The following PLCG1 variants were observed in gnomAD, a reference collection of about 807,000 sequenced individuals.
PLCG1 encodes the protein 1-phosphatidylinositol 4,5-bisphosphate phosphodiesterase gamma-1.
A neutral mutation model predicts 177.8 loss-of-function variants in PLCG1; 71 were observed. The observed-to-expected ratio is 0.40, with a 90% CI of 0.33 to 0.49. The LOEUF is 0.49. PLCG1 is among the 20% of genes least tolerant of loss of function. PLCG1 has a pLI of 0.72. For synonymous variants in PLCG1, 658 were observed against 647.9 expected, an observed-to-expected ratio of 1.02 and a Z score of -0.24; for missense variants, 1,281 against 1,709.0, an observed-to-expected ratio of 0.75 and a Z score of 4.42.
In PLCG1 at chr20:41,176,525, G is replaced by GTGT. The variant is rs1403274589; in HGVS notation, c.*2019_*2021dup. ...TAGGACGTCCTTGGCGTGTTTGTTA[G>GTGT]TGTTGACCCTTTTAGTTTTCATCAA... is the stretch of plus-strand genomic sequence containing the variant. On this transcript the variant is annotated 3_prime_UTR_variant, in exon 32 of 32. Transcript: ENST00000685551. The GTGT allele has an allele frequency of 2.0e-5, 3 of 152,192 alleles. No homozygotes were observed. Among genetic ancestry groups the GTGT allele is most frequent in the African/African-American group, 7.2e-5 (3 of 41,450 alleles). 9.4% of individuals were successfully genotyped at this position (152,192 alleles called of 1,614,324 possible).
chr20:41,162,235 G>GTTTTTTTTTTTT lies in PLCG1; in HGVS notation c.513-208_513-197dup, dbSNP rs11426520. 338 of 143,620 alleles carry GTTTTTTTTTTTT rather than the reference G, an allele frequency of 2.4e-3. 3 individuals are homozygous for GTTTTTTTTTTTT. The highest frequency in any genetic ancestry group is 4.3e-3 in the African/African-American group (105 of 24,442). 8.9% of individuals were successfully genotyped at this position (143,620 alleles called of 1,614,324 possible). On this transcript the variant is annotated intron_variant, in intron 4 of 31. Coordinates refer to ENST00000685551, the MANE Select transcript of PLCG1 (RefSeq NM_002660.3). ...GGTTTTTTTTGTTTGTTTTGTTTTT[G>GTTTTTTTTTTTT]TTTTTTTTTTTTTTTTTTTTGCTCA... is the stretch of plus-strand genomic sequence containing the variant.
rs1284790394 is a variant in PLCG1 at position 41,166,817 on chromosome 20, C to T, written c.2259C>T (p.Arg753=). ...CGCTATACCGCAAGATGAAGCTGCG[C>T]TATCCCATCAACGAGGAGGCACTGG... is the stretch of plus-strand genomic sequence containing the variant. ...KHPLYRKMKL[R]YPINEEALEK... Residue 753 remains arginine (R), a synonymous_variant, in exon 19 of 32, where the codon CGC becomes CGT. Transcript: ENST00000685551. This position sits in a 1 kb window ranked among gnomAD's most constrained non-coding sequence, Gnocchi z 8.6. 2 of 1,614,044 alleles carry T rather than the reference C, an allele frequency of 1.2e-6. No homozygotes were observed. The highest frequency in any genetic ancestry group is 1.3e-5 in the African/African-American group (1 of 74,930).
chr20:41,142,361 T>C (rs1433876868), intron 1 of PLCG1, among the ~76,000 whole-genome samples: 3 of 152,216 alleles, frequency 2.0e-5, no homozygotes, highest in Non-Finnish European at 4.4e-5. Context: ...TCCAGCAGAT[T>C]ACACTCAGTC....
At chr20:41,142,488 A>G (rs1292789343) in intron 1 of PLCG1, among the ~76,000 whole-genome samples, 1 of 152,170 alleles carries the variant, frequency 6.6e-6, no homozygotes, top group Non-Finnish European at 1.5e-5. Context: ...GTGAGCTCCT[A>G]CGGTTTGCAC....
intron 6 of PLCG1, 38 bp from the exon 7 acceptor site, chr20:41,162,920 C>A: frequency 6.2e-7 from 1 of 1,604,874 alleles, no homozygotes; most frequent in South Asian, 1.1e-5. Context: ...ACATGGCCTC[C>A]CAGGGGTCTT....
In PLCG1 at chr20:41,159,838, C is replaced by G. The variant is rs1222711184; in HGVS notation, c.371-32C>G. On this transcript the variant is annotated intron_variant, in intron 2 of 31. Coordinates refer to ENST00000685551, the MANE Select transcript of PLCG1 (RefSeq NM_002660.3). This position sits in a 1 kb window ranked among gnomAD's most constrained non-coding sequence, Gnocchi z 6.0. The stretch of plus-strand genomic sequence containing the variant: ...CTCCTGCCCAGTGGGAGGTATGTGC[C>G]CTCGGGGCAGCTATTGATACCTTGC... The G allele has an allele frequency of 1.2e-6, 2 of 1,612,848 alleles. No individual in the cohort carries two copies. Among genetic ancestry groups the G allele is most frequent in the Non-Finnish European group, 1.7e-6 (2 of 1,178,896 alleles).
chr20:41,174,459 C>T lies in PLCG1; in HGVS notation c.3834-8C>T, dbSNP rs1369317614. On this transcript the variant is annotated splice_region_variant and splice_polypyrimidine_tract_variant and intron_variant, in intron 31 of 31. Coordinates refer to ENST00000685551, the MANE Select transcript of PLCG1 (RefSeq NM_002660.3). This position sits in a 1 kb window ranked among gnomAD's most constrained non-coding sequence, Gnocchi z 5.8. ...CTGCCAGTAAGGACACTCTTCCCTT[C>T]TGTCCAGGGCCCCAAGAAGGACTCG... 1.3e-6 allele frequency: 2 copies of T among 1,590,420 alleles called. No homozygotes were observed. The highest frequency in any genetic ancestry group is 1.3e-5 in the African/African-American group (1 of 74,506).
At chr20:41,141,424 G>C (rs923498067) in intron 1 of PLCG1, among the ~76,000 whole-genome samples, 1 of 152,252 alleles carries the variant, frequency 6.6e-6, no homozygotes, top group African/African-American at 2.4e-5. Context: ...TGATGAGGCA[G>C]GCGGGCTCAG....
rs1488238017 is a variant in PLCG1 at position 41,157,840 on chromosome 20, C to A, written c.218-1766C>A. Among the ~76,000 whole-genome samples the A allele has an allele frequency of 6.6e-6, 1 of 152,166 alleles. No individual in the cohort carries two copies. Among genetic ancestry groups the A allele is most frequent in the Non-Finnish European group, 1.5e-5 (1 of 68,036 alleles). The stretch of plus-strand genomic sequence containing the variant: ...GGAGGTAAATTCCTGAGCCCTGTCA[C>A]AAAGAGCCTTCAAGGCCATAGAAGG... On this transcript the variant is annotated intron_variant, in intron 1 of 31. Coordinates refer to ENST00000685551, the MANE Select transcript of PLCG1 (RefSeq NM_002660.3). This position sits in a 1 kb window ranked among gnomAD's most constrained non-coding sequence, Gnocchi z 5.4.
rs745356702 is a variant in PLCG1 at position 41,162,624 on chromosome 20, CTGCTCTA to C, written c.598-16_598-10del. On this transcript the variant is annotated splice_polypyrimidine_tract_variant and intron_variant, in intron 5 of 31. Coordinates refer to ENST00000685551, the MANE Select transcript of PLCG1 (RefSeq NM_002660.3). ...GGGCCTGACTGCCTGACTGGCACTCCTGCTCTATACCATGCAGGACCTGGAGCAGCGC... is the reference window on the plus strand; with the variant it reads ...GGGCCTGACTGCCTGACTGGCACTCCTACCATGCAGGACCTGGAGCAGCGC... 3 of 1,612,674 alleles carry C rather than the reference CTGCTCTA, an allele frequency of 1.9e-6. No homozygotes were observed. The African/African-American group carries it at 4.0e-5, about 22-fold the overall frequency.
At chr20:41,155,061 G>C (rs1281658775) in intron 1 of PLCG1, among the ~76,000 whole-genome samples, 1 of 152,210 alleles carries the variant, frequency 6.6e-6, no homozygotes, top group Non-Finnish European at 1.5e-5. Flanking sequence ...GTCTGTCCCT[G>C]GGCTGAGAAG....
chr20:41,172,458 A>G lies in PLCG1; in HGVS notation c.2943A>G (p.Ser981=). 3 of 1,614,186 alleles carry G rather than the reference A, an allele frequency of 1.9e-6. No individual in the cohort carries two copies. The highest frequency in any genetic ancestry group is 1.7e-5 in the Admixed American group (1 of 60,036). The change falls in exon 26 of 32, where the codon TCA becomes TCG. Residue 981 remains serine (S), a synonymous_variant. Transcript: ENST00000685551. The surrounding 1 kb of genome is among the most constrained non-coding windows in gnomAD (Gnocchi z 7.0). Reference sequence around the variant, plus strand: ...AACGTGCTTGCTACCGGGACATGTCATCCTTCCCGGAAACCAAGGCTGAGA... The same window carrying G: ...AACGTGCTTGCTACCGGGACATGTCGTCCTTCCCGGAAACCAAGGCTGAGA... ...GTERACYRDM[S]SFPETKAEKY...
In PLCG1 at chr20:41,137,591, T is replaced by G; in HGVS notation, c.-51T>G. The G allele has an allele frequency of 8.7e-7, 1 of 1,154,066 alleles. No homozygotes were observed. Among genetic ancestry groups the G allele is most frequent in the East Asian group, 3.4e-5 (1 of 29,566 alleles). 71.5% of individuals were successfully genotyped at this position (1,154,066 alleles called of 1,614,324 possible). ...CAACCTCAGCCGCCGCCGTTGCGCTTGCTCCCGGGCGGTCCTGGCCTGTGC... is the reference window on the plus strand; with the variant it reads ...CAACCTCAGCCGCCGCCGTTGCGCTGGCTCCCGGGCGGTCCTGGCCTGTGC... On this transcript the variant is annotated 5_prime_UTR_variant, in exon 1 of 32. Transcript: ENST00000685551. This position sits in a 1 kb window ranked among gnomAD's most constrained non-coding sequence, Gnocchi z 7.3.
At position 41,159,493 on chromosome 20, in the gene PLCG1, C is replaced by G; in HGVS notation, c.218-113C>G. The G allele has an allele frequency of 9.2e-7, 1 of 1,092,186 alleles. No individual in the cohort carries two copies. Among genetic ancestry groups the G allele is most frequent in the Non-Finnish European group, 1.3e-6 (1 of 757,564 alleles). 67.7% of individuals were successfully genotyped at this position (1,092,186 alleles called of 1,614,324 possible). ...TGACTGAGTGGTCTTGGCTCTGCCT[C>G]TGGGGTTCCTCCCTGAGAGAGAGTG... On this transcript the variant is annotated intron_variant, in intron 1 of 31. Transcript: ENST00000685551. The surrounding 1 kb of genome is among the most constrained non-coding windows in gnomAD (Gnocchi z 6.0).
chr20:41,167,131 C>T lies in PLCG1; in HGVS notation c.2301+272C>T, dbSNP rs2035725236. ...GAGTGAGGAGGTTCTGGGGCTCACA[C>T]TGGGAGAGGTGCACACAGTGGAAAC... On this transcript the variant is annotated intron_variant, in intron 19 of 31. Transcript: ENST00000685551. The surrounding 1 kb of genome is among the most constrained non-coding windows in gnomAD (Gnocchi z 4.4). Among the ~76,000 whole-genome samples, 1 of 152,176 alleles carries T rather than the reference C, an allele frequency of 6.6e-6. No individual in the cohort carries two copies. Among genetic ancestry groups the T allele is most frequent in the African/African-American group, 2.4e-5 (1 of 41,440 alleles).
rs1025490511 is a variant in PLCG1, at chr20:41,176,723, G to T, written c.*2214G>T. 1 of 152,204 alleles carries T rather than the reference G, an allele frequency of 6.6e-6. No individual in the cohort carries two copies. Among genetic ancestry groups the T allele is most frequent in the Non-Finnish European group, 1.5e-5 (1 of 68,044 alleles). 9.4% of individuals were successfully genotyped at this position (152,204 alleles called of 1,614,324 possible). ...TTGATTGTTCTTCCTAGTGGAAAAC[G>T]TGCCAACTCTCAAGCAAATTTAAAG... On this transcript the variant is annotated 3_prime_UTR_variant, in exon 32 of 32. Coordinates refer to ENST00000685551, the MANE Select transcript of PLCG1 (RefSeq NM_002660.3).
At chr20:41,140,376 T>G (rs1441065437) in intron 1 of PLCG1, among the ~76,000 whole-genome samples, 1 of 152,064 alleles carries the variant, frequency 6.6e-6, no homozygotes, top group Non-Finnish European at 1.5e-5. Flanking sequence ...TCTGAGGAGG[T>G]TGGACTGCCA....
Position 41,162,442 on chromosome 20 carries a change from G to C in PLCG1, c.513-10G>C. 1 of 1,611,386 alleles carries C rather than the reference G, an allele frequency of 6.2e-7. No individual in the cohort carries two copies. Among genetic ancestry groups the C allele is most frequent in the Non-Finnish European group, 8.5e-7 (1 of 1,177,718 alleles). ...GGATGAGACCACTGGGGATGTCCCT[G>C]TTTTCTCAGTATATCAGCCAAGGAC... On this transcript the variant is annotated splice_polypyrimidine_tract_variant and intron_variant, in intron 4 of 31. Coordinates refer to ENST00000685551, the MANE Select transcript of PLCG1 (RefSeq NM_002660.3).
chr20:41,172,243 C>T lies in PLCG1; in HGVS notation c.2859C>T (p.Leu953=), dbSNP rs1340855444. The change falls in exon 25 of 32, where the codon CTC becomes CTT. Residue 953 remains leucine, a synonymous_variant. Coordinates refer to ENST00000685551, the MANE Select transcript of PLCG1 (RefSeq NM_002660.3). The surrounding 1 kb of genome is among the most constrained non-coding windows in gnomAD (Gnocchi z 7.0). ...GGAGGAAGAAGATTGCCCTGGAGCT[C>T]TCTGAACTTGTCGTCTACTGCCGGC... The part of the protein sequence containing the change: ...MERRKKIALE[L]SELVVYCRPV... 2 of 1,614,042 alleles carry T rather than the reference C, an allele frequency of 1.2e-6. No individual in the cohort carries two copies. Among genetic ancestry groups the T allele is most frequent in the African/African-American group, 2.7e-5 (2 of 74,920 alleles).
Sources: allele counts gnomAD v4.1 joint callset (sites outside exome capture counted in the v4.1 genomes callset), GRCh38; gene constraint gnomAD v4.1.1; non-coding constraint Gnocchi (gnomAD v3.1); transcripts MANE v1.5; gene names NCBI Gene and HGNC (gene_info 2026-07-23, HGNC 2026-07-21).